Variants in PLAAT4 observed in about 807,000 individuals in gnomAD.
PLAAT4 encodes the protein phospholipase A and acyltransferase 4.
In PLAAT4, 12 loss-of-function variants were observed where a neutral mutation model predicts 14.1. The observed-to-expected ratio is 0.85, with a 90% CI of 0.54 to 1.37. PLAAT4 has a LOEUF of 1.37. PLAAT4 is among the 40% of genes most tolerant of loss of function. The pLI is 0.00. For missense variants in PLAAT4, 163 were observed against 211.7 expected, an observed-to-expected ratio of 0.77 and a Z score of 1.43; for synonymous variants, 77 against 79.8, an observed-to-expected ratio of 0.96 and a Z score of 0.19.
chr11:63,544,480 A>C (rs2017345762), intron 2 of PLAAT4, 141 bp from the exon 3 acceptor site: 1 of 1,118,816 alleles, frequency 8.9e-7, no homozygotes. Context: ...ACTCCATCAA[A>C]ATAAAAAAAA....
At chr11:63,536,977 C>T in intron 1 of PLAAT4, 100 bp downstream of exon 1, 2 of 1,382,276 alleles carry the variant, frequency 1.4e-6, no homozygotes. Flanking sequence ...GCACACAGCT[C>T]CAGAGCTCGT....
rs2017363329 is a variant in PLAAT4, at chr11:63,546,118, G to A, written c.388-31G>A. ...AGAAAGTGCCAGCCTGGCTTGCCGT[G>A]AACGCTCAACAAAAGCTGCTTGCTT... On this transcript the variant is annotated intron_variant, in intron 3 of 3. Coordinates refer to ENST00000255688, the MANE Select transcript of PLAAT4 (RefSeq NM_004585.5). 3 of 1,585,886 alleles carry A rather than the reference G, an allele frequency of 1.9e-6. No homozygotes were observed. The Admixed American group carries it at 5.0e-5, about 26-fold the overall frequency.
At chr11:63,542,787 C>T (rs569508306) in intron 2 of PLAAT4, among the ~76,000 whole-genome samples, 4 of 152,152 alleles carry the variant, frequency 2.6e-5, no homozygotes, top group Admixed American at 6.5e-5. Context: ...CAGATTACCA[C>T]AAAACATAAT....
Position 63,536,813 on chromosome 11 carries a change from A to T in PLAAT4, c.-56A>T. The T allele has an allele frequency of 4.4e-6, 7 of 1,586,178 alleles. No individual in the cohort carries two copies. Among genetic ancestry groups the T allele is most frequent in the South Asian group, 1.2e-5 (1 of 86,720 alleles). On this transcript the variant is annotated 5_prime_UTR_variant, in exon 1 of 4. Coordinates refer to ENST00000255688, the MANE Select transcript of PLAAT4 (RefSeq NM_004585.5). ...AAGTGAAAGTGAAATTCTCTCCTTC[A>T]GCATAAAAGCTGATCCACAAACAAG... is the stretch of plus-strand genomic sequence containing the variant.
In PLAAT4 at chr11:63,546,358, C is replaced by A; in HGVS notation, c.*102C>A. 1.0e-6 allele frequency: 1 copy of A among 993,876 alleles called. No individual in the cohort carries two copies. The highest frequency in any genetic ancestry group is 1.6e-6 in the Non-Finnish European group (1 of 631,106). 61.6% of individuals were successfully genotyped at this position (993,876 alleles called of 1,614,324 possible). ...CCTGACCCTCGTGCCCTGTCTCAGG[C>A]GTTCTCTAGATCCTTTCCTCTGTTT... On this transcript the variant is annotated 3_prime_UTR_variant, in exon 4 of 4. Transcript: ENST00000255688.
intron 2 of PLAAT4, among the ~76,000 whole-genome samples, chr11:63,543,091 C>G (rs953680116): frequency 6.6e-6 from 1 of 152,220 alleles, no homozygotes; most frequent in African/African-American, 2.4e-5. Flanking sequence ...CCTCCATATT[C>G]TCAGCAAAGT....
At chr11:63,536,926 C>T (rs546091265) in intron 1 of PLAAT4, 49 bp downstream of exon 1, 54 of 1,597,502 alleles carry the variant, frequency 3.4e-5, no homozygotes, top group Non-Finnish European at 4.0e-5. Flanking sequence ...AGTTGGGCAG[C>T]TCCCCCTAGG....
intron 1 of PLAAT4, among the ~76,000 whole-genome samples, chr11:63,538,679 G>A (rs969424752): frequency 8.5e-5 from 13 of 152,128 alleles, no homozygotes; most frequent in African/African-American, 2.9e-4. Context: ...AAGGAGGTGA[G>A]GAAGGGGAAG....
At chr11:63,539,337 C>A (rs564985018) in intron 1 of PLAAT4, among the ~76,000 whole-genome samples, 179 bp from the exon 2 acceptor site, 1 of 152,304 alleles carries the variant, frequency 6.6e-6, no homozygotes, top group East Asian at 1.9e-4. Context: ...AGGCTTCCAG[C>A]CCCCAGTGCC....
chr11:63,540,156 G>C (rs540832050), intron 2 of PLAAT4, among the ~76,000 whole-genome samples: 42 of 152,320 alleles, frequency 2.8e-4, no homozygotes, highest in African/African-American at 9.9e-4. Flanking sequence ...AGCGAAGCTG[G>C]GCTGCTTCAG....
chr11:63,544,798 T>C lies in PLAAT4; in HGVS notation c.296T>C (p.Met99Thr). 2 of 1,614,134 alleles carry C rather than the reference T, an allele frequency of 1.2e-6. No homozygotes were observed. The highest frequency in any genetic ancestry group is 1.7e-6 in the Non-Finnish European group (2 of 1,180,040). The change falls in exon 3 of 4, where the codon ATG (methionine) becomes ACG (threonine). Residue 99 changes from methionine (M) to threonine (T), a missense_variant. Physicochemically the swap from Met to Thr is moderately conservative, Grantham distance 81. Transcript: ENST00000255688. ...GTGATCATCAGTTCTGCGAAGGAGATGGTTGGTCAGAAGATGAAGTACAGT... is the reference window on the plus strand; with the variant it reads ...GTGATCATCAGTTCTGCGAAGGAGACGGTTGGTCAGAAGATGAAGTACAGT... ...VEVIISSAKE[M>T]VGQKMKYSIV...
intron 3 of PLAAT4, 114 bp from the exon 4 acceptor site, chr11:63,546,035 G>C: frequency 1.2e-6 from 1 of 838,754 alleles, no homozygotes; most frequent in East Asian, 2.4e-5. Context: ...GAGATGCCAG[G>C]CCTTAGGGGA....
Position 63,542,772 on chromosome 11 carries a change from G to A in PLAAT4, c.119-1849G>A, listed in dbSNP as rs550080740. 4.7e-4 allele frequency among the ~76,000 whole-genome samples: 72 copies of A among 152,026 alleles called. 1 individual carries two copies. The highest frequency in any genetic ancestry group is 3.4e-4 in the Non-Finnish European group (23 of 68,004). On this transcript the variant is annotated intron_variant, in intron 2 of 3. Coordinates refer to ENST00000255688, the MANE Select transcript of PLAAT4 (RefSeq NM_004585.5). ...AATTGCACTAGGTTCTATCATCGTTGGCCACAGATTACCACAAAACATAAT... is the reference window on the plus strand; with the variant it reads ...AATTGCACTAGGTTCTATCATCGTTAGCCACAGATTACCACAAAACATAAT...
chr11:63,540,437 T>C (rs959820165), intron 2 of PLAAT4, among the ~76,000 whole-genome samples: 4 of 152,340 alleles, frequency 2.6e-5, no homozygotes, highest in African/African-American at 9.6e-5. Flanking sequence ...CAATGTTTTA[T>C]TTAACTCATT....
chr11:63,543,855 C>G (rs947682755), intron 2 of PLAAT4, among the ~76,000 whole-genome samples: 1 of 152,200 alleles, frequency 6.6e-6, no homozygotes. Context: ...AGGATTCCCT[C>G]AGGGTCAGCC....
chr11:63,539,601 A>G lies in PLAAT4; in HGVS notation c.95A>G (p.Tyr32Cys). 2 of 1,611,722 alleles carry G rather than the reference A, an allele frequency of 1.2e-6. No individual in the cohort carries two copies. Among genetic ancestry groups the G allele is most frequent in the Non-Finnish European group, 1.7e-6 (2 of 1,177,846 alleles). ...EHWALYIGDG[Y>C]VIHLAPPSEY... ...TGGGCCCTGTATATAGGAGATGGCT[A>G]CGTGATCCATCTGGCTCCTCCAAGT... The change falls in exon 2 of 4, where the codon TAC (tyrosine) becomes TGC (cysteine). Residue 32 changes from tyrosine (Y) to cysteine (C), a missense_variant. Transcript: ENST00000255688.
rs775860211 is a variant in PLAAT4, at chr11:63,539,566, C to A, written c.60C>A (p.Gly20=). 4.3e-6 allele frequency: 7 copies of A among 1,614,094 alleles called. No homozygotes were observed. The highest frequency in any genetic ancestry group is 1.7e-5 in the Admixed American group (1 of 60,022). Residue 20 remains glycine (G), a synonymous_variant, in exon 2 of 4, where the codon GGC becomes GGA. Coordinates refer to ENST00000255688, the MANE Select transcript of PLAAT4 (RefSeq NM_004585.5). ...ACCTGATTGAGATTTTCCGCCTTGG[C>A]TATGAGCACTGGGCCCTGTATATAG... ...PGDLIEIFRL[G]YEHWALYIGD...
chr11:63,537,091 GCA>G (rs1041534952), intron 1 of PLAAT4, among the ~76,000 whole-genome samples: 2 of 152,216 alleles, frequency 1.3e-5, no homozygotes, highest in Non-Finnish European at 2.9e-5. Flanking sequence ...TGCGTAACTG[GCA>G]CAGTGCGGGG....
intron 2 of PLAAT4, among the ~76,000 whole-genome samples, chr11:63,542,385 G>A (rs2017328241): frequency 6.6e-6 from 1 of 152,092 alleles, no homozygotes; most frequent in African/African-American, 2.4e-5. Flanking sequence ...AACTATGAAA[G>A]TCTTCAATCC....
Sources: gnomAD v4.1 joint callset for allele counts (sites outside exome capture counted in the v4.1 genomes callset) on GRCh38, gnomAD v4.1.1 for gene constraint, MANE v1.5 for transcripts, NCBI Gene and HGNC (gene_info 2026-07-23, HGNC 2026-07-21) for gene names.